ANKRD24: variants seen among roughly 807,000 people sequenced by gnomAD.
ANKRD24 encodes the protein ankyrin repeat domain 24.
Under a neutral mutation model 127.8 loss-of-function variants are expected in ANKRD24, and 109 were observed. That is an observed-to-expected ratio of 0.85 (90% CI 0.73 to 1.00). The LOEUF (loss-of-function observed/expected upper bound fraction) is 1.00, where lower values mean the gene tolerates loss of function less well. Among genes scored for constraint, ANKRD24 ranks in the 50% least tolerant of loss-of-function variants. ANKRD24 has a pLI of 0.00. For missense variants in ANKRD24, 1,648 were observed against 1,570.2 expected, an observed-to-expected ratio of 1.05 and a Z score of -0.84; for synonymous variants, 743 against 671.1, an observed-to-expected ratio of 1.11 and a Z score of -1.66.
rs757428983 is a variant in ANKRD24, at chr19:4,207,311, G to A, written c.536G>A (p.Arg179Gln). The change falls in exon 8 of 22, where the codon CGG becomes CAG. Residue 179 changes from arginine to glutamine, a missense_variant and splice_region_variant. Transcript: ENST00000318934. The stretch of plus-strand genomic sequence containing the variant: ...AAGGCACATCTAAACCCCCAAGATC[G>A]GGTAAGCTTCTGGGATCTCTTCAGG... ...SFKAHLNPQD[R>Q]SGATPLIIAA... 15 of 1,613,486 alleles carry A rather than the reference G, an allele frequency of 9.3e-6. No homozygotes were observed. The highest frequency in any genetic ancestry group is 6.7e-5 in the East Asian group (3 of 44,878).
chr19:4,192,148 G>A (rs1028271762), intron 2 of ANKRD24, among the ~76,000 whole-genome samples: 3 of 151,698 alleles, frequency 2.0e-5, no homozygotes, highest in Admixed American at 1.3e-4. Context: ...ATCCCCCTTG[G>A]GCTGTCCGTG....
rs777181446 is a variant in ANKRD24, at chr19:4,212,485, C to G, written c.1070C>G (p.Ala357Gly). The change falls in exon 14 of 22, where the codon GCC becomes GGC. Residue 357 changes from alanine to glycine, a missense_variant. Physicochemically the swap from Ala to Gly is moderately conservative, Grantham distance 60. Transcript: ENST00000318934. Reference sequence around the variant, plus strand: ...TGTTTCTCCCGTCAGTCCCCGGAGGCCAGCTCCCTGCACATCCTGGAGAGA... The same window carrying G: ...TGTTTCTCCCGTCAGTCCCCGGAGGGCAGCTCCCTGCACATCCTGGAGAGA... ...KERRQQESPEASSLHILERQV... is the reference protein window; with the variant it reads ...KERRQQESPEGSSLHILERQV... 1 of 1,574,736 alleles carries G rather than the reference C, an allele frequency of 6.4e-7. No individual in the cohort carries two copies. The highest frequency in any genetic ancestry group is 2.3e-5 in the East Asian group (1 of 43,012).
chr19:4,210,170 T>C (rs776647510), intron 12 of ANKRD24, 32 bp downstream of exon 12: 13 of 1,584,066 alleles, frequency 8.2e-6, no homozygotes, highest in Non-Finnish European at 1.1e-5. Flanking sequence ...GGAGGAGGCA[T>C]GGGGAGCCCC....
chr19:4,182,770 C>G, intron 1 of ANKRD24, 30 bp downstream of exon 1: 1 of 985,222 alleles, frequency 1.0e-6, no homozygotes, highest in Non-Finnish European at 1.2e-6. Context: ...AGGGGCTCCC[C>G]GATGACCCGG....
In ANKRD24 at chr19:4,207,929, C is replaced by A. The variant is rs544854127; in HGVS notation, c.793C>A (p.Leu265Ile). The A allele has an allele frequency of 6.5e-7, 1 of 1,544,872 alleles. No individual in the cohort carries two copies. The highest frequency in any genetic ancestry group is 1.4e-5 in the African/African-American group (1 of 72,750). The change falls in exon 10 of 22, where the codon CTT (leucine) becomes ATT (isoleucine). Residue 265 changes from leucine to isoleucine, a missense_variant. By Grantham distance (5) the Leu-to-Ile change is conservative. Coordinates refer to ENST00000318934, the MANE Select transcript of ANKRD24 (RefSeq NM_001393985.1). ...GGCGGGGGACAAACTCATCCTGCAC[C>A]TTCTGCAAGAGGCGGCCCAGCGCCC... ...ALAGDKLILH[L>I]LQEAAQRPSP...
intron 2 of ANKRD24, among the ~76,000 whole-genome samples, chr19:4,190,174 A>G (rs1367698086): frequency 6.6e-6 from 1 of 151,824 alleles, no homozygotes; most frequent in Non-Finnish European, 1.5e-5. Context: ...GGTGGCTCAC[A>G]TCTGTAATCC....
At chr19:4,200,754 T>C (rs2145287862) in intron 5 of ANKRD24, among the ~76,000 whole-genome samples, 1 of 152,202 alleles carries the variant, frequency 6.6e-6, no homozygotes, top group South Asian at 2.1e-4. Context: ...ACTCCTGGGC[T>C]CTAAGTGATC....
intron 1 of ANKRD24, among the ~76,000 whole-genome samples, chr19:4,184,604 C>T (rs914781678): frequency 2.0e-5 from 3 of 152,226 alleles, no homozygotes; most frequent in African/African-American, 4.8e-5. Flanking sequence ...GCAGGCGTTT[C>T]TCCCTCCCCC....
intron 1 of ANKRD24, chr19:4,183,518 C>A: frequency 4.4e-6 from 1 of 229,492 alleles, no homozygotes; most frequent in Non-Finnish European, 7.2e-6. Flanking sequence ...ATGGGTGATG[C>A]AGAGGGCACA....
intron 1 of ANKRD24, chr19:4,183,542 G>A: frequency 5.5e-6 from 1 of 182,624 alleles, no homozygotes; most frequent in South Asian, 1.8e-4. Context: ...CAGTGAGGGG[G>A]CTCACAGGAG....
rs1300736681 is a variant in ANKRD24 at position 4,208,810 on chromosome 19, C to T, written c.870+9C>T. 1 of 1,612,602 alleles carries T rather than the reference C, an allele frequency of 6.2e-7. No individual in the cohort carries two copies. Among genetic ancestry groups the T allele is most frequent in the South Asian group, 1.1e-5 (1 of 90,782 alleles). Reference sequence around the variant, plus strand: ...GCGAGGCGTCATCTCAGGTATGGACCCCTAAGCAGTGAAGGAGCCCCTCCT... The same window carrying T: ...GCGAGGCGTCATCTCAGGTATGGACTCCTAAGCAGTGAAGGAGCCCCTCCT... On this transcript the variant is annotated intron_variant, in intron 11 of 21. Transcript: ENST00000318934.
At chr19:4,183,862 C>G (rs1228686617) in intron 1 of ANKRD24, among the ~76,000 whole-genome samples, 2 of 152,078 alleles carry the variant, frequency 1.3e-5, no homozygotes, top group African/African-American at 4.8e-5. Context: ...AGCCGGAGAT[C>G]GCGCCATTGC....
In ANKRD24 at chr19:4,195,060, T is replaced by TTTTGTTTGTTTGTATGTTTG. The variant is rs1968623767; in HGVS notation, c.37-4610_37-4609insATGTTTGTTTGTTTGTTTGT. The stretch of plus-strand genomic sequence containing the variant: ...TCGGCGTGAGCCACCGCGCCCAGGT[T>TTTTGTTTGTTTGTATGTTTG]TTTGTTTGTTTGTTTGTTTGTTTGT... On this transcript the variant is annotated intron_variant, in intron 2 of 21. Transcript: ENST00000318934. This position sits in a 1 kb window ranked among gnomAD's most constrained non-coding sequence, Gnocchi z 4.2. Among the ~76,000 whole-genome samples the TTTTGTTTGTTTGTATGTTTG allele has an allele frequency of 6.7e-6, 1 of 148,416 alleles. No homozygotes were observed. The highest frequency in any genetic ancestry group is 1.5e-5 in the Non-Finnish European group (1 of 66,914).
Position 4,212,636 on chromosome 19 carries a change from G to A in ANKRD24, c.1135G>A (p.Glu379Lys). Residue 379 changes from glutamate to lysine, a missense_variant, in exon 15 of 22, where the codon GAG becomes AAG. Coordinates refer to ENST00000318934, the MANE Select transcript of ANKRD24 (RefSeq NM_001393985.1). Reference protein sequence around the residue: ...ELQQLLVERQEEKESLGREVE... With the variant: ...ELQQLLVERQKEKESLGREVE... Reference sequence around the variant, plus strand: ...ACAGCAGTTGCTGGTGGAGAGACAAGAGGAGAAGGAGAGCCTGGGACGGGA... The same window carrying A: ...ACAGCAGTTGCTGGTGGAGAGACAAAAGGAGAAGGAGAGCCTGGGACGGGA... 1 of 1,551,378 alleles carries A rather than the reference G, an allele frequency of 6.4e-7. No homozygotes were observed. The highest frequency in any genetic ancestry group is 8.7e-7 in the Non-Finnish European group (1 of 1,147,044).
At chr19:4,210,167 G>T in intron 12 of ANKRD24, 29 bp downstream of exon 12, 3 of 1,585,552 alleles carry the variant, frequency 1.9e-6, no homozygotes, top group South Asian at 1.1e-5. Context: ...ACGGGAGGAG[G>T]CATGGGGAGC....
chr19:4,191,317 G>T (rs915947262), intron 2 of ANKRD24, among the ~76,000 whole-genome samples: 4 of 151,836 alleles, frequency 2.6e-5, no homozygotes, highest in Non-Finnish European at 5.9e-5. Context: ...CAGGGGCCAG[G>T]CCCCCCCCTC....
In ANKRD24 at chr19:4,199,988, C is replaced by A; in HGVS notation, c.237C>A (p.Asp79Glu). Residue 79 changes from aspartate (D) to glutamate (E), a missense_variant, in exon 4 of 22, where the codon GAC becomes GAA. Asp to Glu is a conservative substitution (Grantham distance 45). Coordinates refer to ENST00000318934, the MANE Select transcript of ANKRD24 (RefSeq NM_001393985.1). This position sits in a 1 kb window ranked among gnomAD's most constrained non-coding sequence, Gnocchi z 5.2. ...ARKGLVPTKL[D>E]PEGKSAFHLA... ...AGGGGCTGGTGCCCACGAAGCTAGACCCCGAGGGCAAGTCCGCGTGAGTGC... is the reference window on the plus strand; with the variant it reads ...AGGGGCTGGTGCCCACGAAGCTAGAACCCGAGGGCAAGTCCGCGTGAGTGC... 1 of 1,564,712 alleles carries A rather than the reference C, an allele frequency of 6.4e-7. No individual in the cohort carries two copies. The highest frequency in any genetic ancestry group is 8.7e-7 in the Non-Finnish European group (1 of 1,154,350).
chr19:4,196,595 G>A (rs762897207), intron 2 of ANKRD24, among the ~76,000 whole-genome samples: 5 of 152,062 alleles, frequency 3.3e-5, no homozygotes, highest in South Asian at 2.1e-4. Flanking sequence ...AGCTGTTCTC[G>A]AACTCCTGAC....
rs1968855857 is a variant in ANKRD24, at chr19:4,198,069, GC to G, written c.37-1611del. On this transcript the variant is annotated intron_variant, in intron 2 of 21. Coordinates refer to ENST00000318934, the MANE Select transcript of ANKRD24 (RefSeq NM_001393985.1). This position sits in a 1 kb window ranked among gnomAD's most constrained non-coding sequence, Gnocchi z 6.1. The stretch of plus-strand genomic sequence containing the variant: ...AGGTGCGAGGCTGCGGACGTCGCGG[GC>G]CCGGAGGCACCTGCGCGCCCTTGGC... 2 of 421,134 alleles carry G rather than the reference GC, an allele frequency of 4.7e-6. No individual in the cohort carries two copies. Among genetic ancestry groups the G allele is most frequent in the Non-Finnish European group, 8.4e-6 (2 of 237,192 alleles). The allele number at this position is 421,134 out of a possible 1,614,324, so 26.1% of individuals were successfully genotyped here. A position where few individuals can be genotyped will look rare whatever the true frequency, so the allele number is the denominator to read the frequency against.
Sources: allele counts gnomAD v4.1 joint callset (sites outside exome capture counted in the v4.1 genomes callset), GRCh38; gene constraint gnomAD v4.1.1; non-coding constraint Gnocchi (gnomAD v3.1); transcripts MANE v1.5; gene names NCBI Gene and HGNC (gene_info 2026-07-23, HGNC 2026-07-21).